MEX3D: variants seen among roughly 807,000 people sequenced by gnomAD.
MEX3D encodes mex-3 RNA binding family member D.
Under a neutral mutation model 6.3 loss-of-function variants are expected in MEX3D, and 4 were observed. The ratio of observed to expected loss-of-function variants is 0.64; its 90% CI spans 0.31 to 1.46. The LOEUF (loss-of-function observed/expected upper bound fraction) is 1.46. MEX3D is among the 40% of genes most tolerant of loss of function. The pLI, the probability that MEX3D is intolerant of heterozygous loss-of-function variation, is 0.07. For synonymous variants in MEX3D, 626 were observed against 494.1 expected, an observed-to-expected ratio of 1.27 and a Z score of -3.54; for missense variants, 1,038 against 994.4, an observed-to-expected ratio of 1.04 and a Z score of -0.59.
rs773608316 is a variant in MEX3D, at chr19:1,555,367, C to A, written c.*196G>T. The stretch of plus-strand genomic sequence containing the variant: ...GTTGAAGGGCTGAGGCGCCGCCGGG[C>A]TGCGGGGTCTCCGTCTCCACGCCTG... On this transcript the variant is annotated 3_prime_UTR_variant, in exon 2 of 2. Coordinates refer to ENST00000402693, the MANE Select transcript of MEX3D (RefSeq NM_203304.4). 1 of 1,601,948 alleles carries A rather than the reference C, an allele frequency of 6.2e-7. No homozygotes were observed. The highest frequency in any genetic ancestry group is 2.3e-5 in the East Asian group (1 of 43,676).
rs1472827106 is a variant in MEX3D, at chr19:1,556,258, C to A, written c.1261G>T (p.Ala421Ser). Residue 421 changes from alanine (A) to serine (S), a missense_variant, in exon 2 of 2, where the codon GCC (alanine) becomes TCC (serine). Transcript: ENST00000402693. The surrounding 1 kb of genome is among the most constrained non-coding windows in gnomAD (Gnocchi z 7.5). ...TTGCCGGAGCCGCTGTAGGGGCTGG[C>A]GGGGCCTGGGTCCGGCACGGAGGGG... is the stretch of plus-strand genomic sequence containing the variant. ...GGPSVPDPGPASPYSGSGNGG... is the reference protein window; with the variant it reads ...GGPSVPDPGPSSPYSGSGNGG... 5.2e-6 allele frequency: 7 copies of A among 1,348,974 alleles called. No individual in the cohort carries two copies. Among genetic ancestry groups the A allele is most frequent in the Middle Eastern group, 5.6e-4 (2 of 3,600 alleles). The allele number at this position is 1,348,974 out of a possible 1,614,324, so 83.6% of individuals were successfully genotyped here. A position where few individuals can be genotyped will look rare whatever the true frequency, so the allele number is the denominator to read the frequency against.
chr19:1,561,380 C>G (rs1394488041), intron 1 of MEX3D, among the ~76,000 whole-genome samples: 1 of 152,218 alleles, frequency 6.6e-6, no homozygotes, highest in African/African-American at 2.4e-5. Context: ...CAAGGCCTCA[C>G]AGCCAACACT....
intron 1 of MEX3D, among the ~76,000 whole-genome samples, chr19:1,558,049 CAAAAAAAAAA>C (rs35362564): frequency 1.2e-5 from 1 of 83,880 alleles, no homozygotes; most frequent in Non-Finnish European, 2.2e-5. Flanking sequence ...GACTCCATTT[CAAAAAAAAAA>C]AAAAAAAAAG....
intron 1 of MEX3D, among the ~76,000 whole-genome samples, chr19:1,562,740 C>T (rs527267615): frequency 1.3e-5 from 2 of 152,164 alleles, no homozygotes; most frequent in East Asian, 1.9e-4. Flanking sequence ...AACCGCTAGG[C>T]GTGGTGACTC....
intron 1 of MEX3D, among the ~76,000 whole-genome samples, chr19:1,560,066 T>C (rs907818972): frequency 6.6e-6 from 1 of 152,204 alleles, no homozygotes. Flanking sequence ...GCTGCCTCCC[T>C]GAGGCTGGAG....
Position 1,567,290 on chromosome 19 carries a change from C to T in MEX3D, c.595+174G>A, listed in dbSNP as rs1285825400. On this transcript the variant is annotated intron_variant, in intron 1 of 1. Transcript: ENST00000402693. The surrounding 1 kb of genome is among the most constrained non-coding windows in gnomAD (Gnocchi z 6.5). ...AGCGCGGGCTGCGCCCAACTTTCTC[C>T]CGCGGCGGCTGCAGGACAAAGGCGC... Among the ~76,000 whole-genome samples the T allele has an allele frequency of 6.6e-6, 1 of 151,784 alleles. No homozygotes were observed. Among genetic ancestry groups the T allele is most frequent in the East Asian group, 1.9e-4 (1 of 5,164 alleles).
At chr19:1,562,733 C>G (rs929613410) in intron 1 of MEX3D, among the ~76,000 whole-genome samples, 3 of 151,832 alleles carry the variant, frequency 2.0e-5, no homozygotes, top group African/African-American at 7.3e-5. Flanking sequence ...AACAAGAAAC[C>G]GCTAGGCGTG....
intron 1 of MEX3D, among the ~76,000 whole-genome samples, chr19:1,559,591 CA>C (rs1377492688): frequency 6.6e-6 from 1 of 152,214 alleles, no homozygotes. Context: ...AGCCACTGCT[CA>C]CAACCCCTCA....
chr19:1,555,561 C>A lies in MEX3D; in HGVS notation c.*2G>T, dbSNP rs765984926. Reference sequence around the variant, plus strand: ...GGCCCCGGCCACGTGGTGGTCCGCGCTCTAGGAAAAGATATGAATGGCCTG... The same window carrying A: ...GGCCCCGGCCACGTGGTGGTCCGCGATCTAGGAAAAGATATGAATGGCCTG... On this transcript the variant is annotated 3_prime_UTR_variant, in exon 2 of 2. Coordinates refer to ENST00000402693, the MANE Select transcript of MEX3D (RefSeq NM_203304.4). 10 of 1,573,680 alleles carry A rather than the reference C, an allele frequency of 6.4e-6. No homozygotes were observed. The East Asian group carries it at 1.4e-4, about 22-fold the overall frequency.
At chr19:1,559,339 G>C (rs1320120037) in intron 1 of MEX3D, among the ~76,000 whole-genome samples, 1 of 152,096 alleles carries the variant, frequency 6.6e-6, no homozygotes, top group Non-Finnish European at 1.5e-5. Context: ...CACCATGTTG[G>C]CCAGGCTGGT....
intron 1 of MEX3D, 94 bp from the exon 2 acceptor site, chr19:1,557,017 C>T: frequency 4.3e-6 from 6 of 1,408,072 alleles, no homozygotes; most frequent in Non-Finnish European, 5.7e-6. Context: ...AGTGAGGGAG[C>T]CCCTACCTCC....
At position 1,555,387 on chromosome 19, in the gene MEX3D, C is replaced by A. The variant is rs143961682; in HGVS notation, c.*176G>T. ...CCGGGCTGCGGGGTCTCCGTCTCCA[C>A]GCCTGAGGCGGCAGTTAAAGCTCAT... On this transcript the variant is annotated 3_prime_UTR_variant, in exon 2 of 2. Transcript: ENST00000402693. 234 of 1,600,320 alleles carry A rather than the reference C, an allele frequency of 1.5e-4. No homozygotes were observed. Among genetic ancestry groups the A allele is most frequent in the African/African-American group, 1.1e-3 (83 of 74,312 alleles).
chr19:1,563,676 T>C (rs1599327783), intron 1 of MEX3D, among the ~76,000 whole-genome samples: 1 of 152,166 alleles, frequency 6.6e-6, no homozygotes, highest in South Asian at 2.1e-4. Flanking sequence ...GGGAGACGCC[T>C]GTGCTTTTGG....
At chr19:1,564,640 G>C (rs1211749349) in intron 1 of MEX3D, among the ~76,000 whole-genome samples, 1 of 151,998 alleles carries the variant, frequency 6.6e-6, no homozygotes, top group Non-Finnish European at 1.5e-5. Context: ...GAAAGCACTC[G>C]GACCCCCTCT....
In MEX3D at chr19:1,567,446, C is replaced by T. The variant is rs775325841; in HGVS notation, c.595+18G>A. On this transcript the variant is annotated intron_variant, in intron 1 of 1. Transcript: ENST00000402693. This position sits in a 1 kb window ranked among gnomAD's most constrained non-coding sequence, Gnocchi z 6.5. ...GCGGGGACCCCCAGGACAGCAACCCCCGACGAGGGCCACTCACCCTGGCGA... is the reference window on the plus strand; with the variant it reads ...GCGGGGACCCCCAGGACAGCAACCCTCGACGAGGGCCACTCACCCTGGCGA... 2 of 1,557,346 alleles carry T rather than the reference C, an allele frequency of 1.3e-6. No homozygotes were observed. The highest frequency in any genetic ancestry group is 1.4e-5 in the African/African-American group (1 of 70,180).
intron 1 of MEX3D, among the ~76,000 whole-genome samples, chr19:1,565,816 C>T (rs1227983731): frequency 1.3e-5 from 2 of 152,242 alleles, no homozygotes; most frequent in African/African-American, 2.4e-5. Context: ...TCCCATGGAC[C>T]TGCCCCTAGA....
intron 1 of MEX3D, among the ~76,000 whole-genome samples, chr19:1,558,846 G>A (rs1450694982): frequency 1.3e-5 from 2 of 152,224 alleles, no homozygotes; most frequent in African/African-American, 2.4e-5. Context: ...TGGGCTGGGG[G>A]TCTGACCTGG....
Position 1,555,257 on chromosome 19 carries a change from G to A in MEX3D, c.*306C>T, listed in dbSNP as rs768654841. On this transcript the variant is annotated 3_prime_UTR_variant, in exon 2 of 2. Coordinates refer to ENST00000402693, the MANE Select transcript of MEX3D (RefSeq NM_203304.4). ...TTTTAAAGATCACCCTGGAGGGGAG[G>A]GGTGTCTAAAAATAAGAAAACTAAA... 59 of 1,434,006 alleles carry A rather than the reference G, an allele frequency of 4.1e-5. No homozygotes were observed. Among genetic ancestry groups the A allele is most frequent in the Admixed American group, 3.6e-4 (19 of 52,964 alleles). 88.8% of individuals were successfully genotyped at this position (1,434,006 alleles called of 1,614,324 possible).
chr19:1,555,799 C>A lies in MEX3D; in HGVS notation c.1720G>T (p.Ala574Ser). The A allele has an allele frequency of 7.2e-7, 1 of 1,392,026 alleles. No individual in the cohort carries two copies. The highest frequency in any genetic ancestry group is 9.2e-7 in the Non-Finnish European group (1 of 1,082,510). 86.2% of individuals were successfully genotyped at this position (1,392,026 alleles called of 1,614,324 possible). Reference sequence around the variant, plus strand: ...TCGGAGGCGCCGGAGTCCAGGGGGGCGCAGGCGGCGGCCGCGGGGCTGCTG... The same window carrying A: ...TCGGAGGCGCCGGAGTCCAGGGGGGAGCAGGCGGCGGCCGCGGGGCTGCTG... ...LPSSPAAAAC[A>S]PLDSGASENS... is the part of the protein sequence containing the mutation. Residue 574 changes from alanine (A) to serine (S), a missense_variant, in exon 2 of 2, where the codon GCC becomes TCC. By Grantham distance (99) the Ala-to-Ser change is moderately conservative. Transcript: ENST00000402693.
Sources: allele counts gnomAD v4.1 joint callset (sites outside exome capture counted in the v4.1 genomes callset), GRCh38; gene constraint gnomAD v4.1.1; non-coding constraint Gnocchi (gnomAD v3.1); transcripts MANE v1.5; gene names NCBI Gene and HGNC (gene_info 2026-07-23, HGNC 2026-07-21).